The following CDHR2 variants were observed in gnomAD, a reference collection of about 807,000 sequenced individuals.
The protein encoded by CDHR2 is cadherin-related family member 2.
In CDHR2, 104 loss-of-function variants were observed where a neutral mutation model predicts 138.6. The ratio of observed to expected loss-of-function variants is 0.75; its 90% confidence interval spans 0.64 to 0.88. The LOEUF is 0.88. Ranked by LOEUF, CDHR2 falls within the 40% of genes least tolerant of loss-of-function variation. The pLI is 0.00. For synonymous variants in CDHR2, 755 were observed against 742.8 expected (o/e 1.02, Z -0.27); for missense variants, 1,624 against 1,727.6 (o/e 0.94, Z 1.06).
intron 17 of CDHR2, among the ~76,000 whole-genome samples, chr5:176,582,980 C>T (rs1330051743): frequency 6.6e-6 from 1 of 152,246 alleles, no homozygotes; most frequent in East Asian, 1.9e-4. Flanking sequence ...CAGTGCACAG[C>T]CTGCACCACT....
chr5:176,577,476 G>A lies in CDHR2; in HGVS notation c.1272G>A (p.Val424=), dbSNP rs752138105. ...EAFSVSPERA[V]GSASVQVLVR... is the part of the protein sequence containing the mutation. ...TCAGCGTCTCCCCGGAGCGGGCAGTGGGCTCAGCCTCCGTTCAGGTGCTGG... is the reference window on the plus strand; with the variant it reads ...TCAGCGTCTCCCCGGAGCGGGCAGTAGGCTCAGCCTCCGTTCAGGTGCTGG... The change falls in exon 13 of 32, where the codon GTG becomes GTA. Residue 424 remains valine (V), a synonymous_variant. Coordinates refer to ENST00000261944, the MANE Select transcript of CDHR2 (RefSeq NM_017675.6). The A allele has an allele frequency of 8.7e-6, 14 of 1,610,684 alleles. No homozygotes were observed. Among genetic ancestry groups the A allele is most frequent in the East Asian group, 4.5e-5 (2 of 44,770 alleles).
At chr5:176,548,937 T>G (rs747989729), upstream of CDHR2, among the ~76,000 whole-genome samples, 6 of 152,054 alleles carry the variant, frequency 3.9e-5, no homozygotes, top group Non-Finnish European at 8.8e-5. Context: ...CACACAGTGT[T>G]TGATTGTTAC....
Position 176,581,392 on chromosome 5 carries a change from A to G in CDHR2, c.1868A>G (p.Asn623Ser). The G allele has an allele frequency of 6.2e-7, 1 of 1,614,074 alleles. No homozygotes were observed. Among genetic ancestry groups the G allele is most frequent in the Non-Finnish European group, 8.5e-7 (1 of 1,180,034 alleles). Residue 623 changes from asparagine (N) to serine (S), a missense_variant, in exon 17 of 32, where the codon AAC (asparagine) becomes AGC (serine). Around this residue, in one of 3 missense-constraint regions of CDHR2, gnomAD observed 1,061 missense variants for 1,136.6 expected, o/e 0.93. Coordinates refer to ENST00000261944, the MANE Select transcript of CDHR2 (RefSeq NM_017675.6). ...PGTNNSRLLF[N>S]LLPGPYSHNF... ...ACCAACAACAGCCGTCTGCTCTTCA[A>G]CCTGCTGCCTGGCCCCTACAGCCAC...
intron 16 of CDHR2, 112 bp from the exon 17 acceptor site, chr5:176,581,231 C>A: frequency 7.1e-7 from 1 of 1,405,210 alleles, no homozygotes; most frequent in South Asian, 1.3e-5. Flanking sequence ...GGGCTCCAGG[C>A]CTGATGACTG....
upstream of CDHR2, among the ~76,000 whole-genome samples, chr5:176,547,073 G>T (rs1757600741): frequency 6.6e-6 from 1 of 151,974 alleles, no homozygotes; most frequent in Non-Finnish European, 1.5e-5. Flanking sequence ...CTGCCTCCCG[G>T]GTTCAAGTGA....
chr5:176,542,587 G>T (rs1196969792), exon 1 of CDHR2: 1 of 152,146 alleles, frequency 6.6e-6, no homozygotes, highest in Non-Finnish European at 1.5e-5. Context: ...GAAGATCGAG[G>T]AAGACAAGTC....
At chr5:176,580,579 A>G (rs1251388985) in intron 16 of CDHR2, among the ~76,000 whole-genome samples, 1 of 151,466 alleles carries the variant, frequency 6.6e-6, no homozygotes, top group Non-Finnish European at 1.5e-5. Context: ...ACAAAACAAA[A>G]CAAAAGAAGG....
intron 21 of CDHR2, among the ~76,000 whole-genome samples, chr5:176,588,518 T>TGC (rs1758737895): frequency 7.4e-6 from 1 of 134,544 alleles, no homozygotes. Flanking sequence ...AGTGTGTGCA[T>TGC]GTGTGTGAGT....
intron 1 of CDHR2, among the ~76,000 whole-genome samples, chr5:176,556,394 C>T (rs980599252): frequency 6.6e-6 from 1 of 151,914 alleles, no homozygotes; most frequent in Non-Finnish European, 1.5e-5. Context: ...AGGCCGGGCG[C>T]GGTGGCTCAC....
At chr5:176,563,560 G>A (rs1393129261) in intron 1 of CDHR2, among the ~76,000 whole-genome samples, 1 of 151,954 alleles carries the variant, frequency 6.6e-6, no homozygotes, top group African/African-American at 2.4e-5. Context: ...ACCCTGGCCT[G>A]GCATGGCCTC....
At position 176,588,448 on chromosome 5, in the gene CDHR2, T is replaced by G. The variant is rs562959191; in HGVS notation, c.2857-583T>G. Among the ~76,000 whole-genome samples the G allele has an allele frequency of 3.6e-3, 449 of 124,078 alleles. 4 individuals carry two copies. The highest frequency in any genetic ancestry group is 0.027 in the Middle Eastern group (6 of 222). The allele number at this position is 124,078 out of a possible 152,430, so 81.4% of individuals were successfully genotyped here. A position where few individuals can be genotyped will look rare whatever the true frequency, so the allele number is the denominator to read the frequency against. On this transcript the variant is annotated intron_variant, in intron 21 of 31. Transcript: ENST00000261944. Reference sequence around the variant, plus strand: ...GTGTGTGTCAGGATAAGTGTGTGAGTGTGAGAGGGTGTGTGAGTGTATGTG... The same window carrying G: ...GTGTGTGTCAGGATAAGTGTGTGAGGGTGAGAGGGTGTGTGAGTGTATGTG...
chr5:176,567,115 G>T, intron 3 of CDHR2: 1 of 439,338 alleles, frequency 2.3e-6, no homozygotes, highest in South Asian at 1.6e-5. Flanking sequence ...CTCCCTAAAG[G>T]CAAGTGCTAT....
At chr5:176,569,274 T>C (rs1758163243) in intron 5 of CDHR2, among the ~76,000 whole-genome samples, 1 of 147,924 alleles carries the variant, frequency 6.8e-6, no homozygotes, top group South Asian at 2.1e-4. Context: ...TATATTTTAA[T>C]TGTAAATTAA....
rs189960708 is a variant in CDHR2 at position 176,593,479 on chromosome 5, G to A, written c.3792+699G>A. 2.4e-3 allele frequency among the ~76,000 whole-genome samples: 361 copies of A among 152,344 alleles called. 2 individuals carry two copies. Among genetic ancestry groups the A allele is most frequent in the Middle Eastern group, 3.4e-3 (1 of 294 alleles). On this transcript the variant is annotated intron_variant, in intron 31 of 31. Coordinates refer to ENST00000261944, the MANE Select transcript of CDHR2 (RefSeq NM_017675.6). Reference sequence around the variant, plus strand: ...CAGGCACGGTGGACACCGCTGGAGCGGGTCAGCAGGCTGAGTGTGGGGTGG... The same window carrying A: ...CAGGCACGGTGGACACCGCTGGAGCAGGTCAGCAGGCTGAGTGTGGGGTGG...
intron 1 of CDHR2, among the ~76,000 whole-genome samples, chr5:176,549,764 GGAA>G (rs1290988127): frequency 6.6e-6 from 1 of 152,172 alleles, no homozygotes; most frequent in African/African-American, 2.4e-5. Flanking sequence ...TTGAGGACGG[GGAA>G]GCTGACCTGG....
chr5:176,551,393 T>G (rs1757702733), intron 1 of CDHR2, among the ~76,000 whole-genome samples: 1 of 152,160 alleles, frequency 6.6e-6, no homozygotes, highest in South Asian at 2.1e-4. Context: ...GTCCAGGCAT[T>G]TTTTGAGAGC....
chr5:176,570,051 T>A (rs967058629), intron 5 of CDHR2, among the ~76,000 whole-genome samples: 1 of 152,214 alleles, frequency 6.6e-6, no homozygotes, highest in African/African-American at 2.4e-5. Flanking sequence ...ACTGTATGCT[T>A]TGACACTTCT....
chr5:176,571,551 T>C (rs67494927), intron 6 of CDHR2, among the ~76,000 whole-genome samples: 36,963 of 151,826 alleles, frequency 0.24, 4,796 homozygotes, highest in East Asian at 0.47. Flanking sequence ...TGATTTTTTT[T>C]GTGTAGACGG....
chr5:176,569,516 T>C (rs1758173825), intron 5 of CDHR2, among the ~76,000 whole-genome samples: 1 of 152,112 alleles, frequency 6.6e-6, no homozygotes, highest in South Asian at 2.1e-4. Flanking sequence ...TCTCCTGACC[T>C]TGTGATCCGC....
Sources: allele counts gnomAD v4.1 joint callset (sites outside exome capture counted in the v4.1 genomes callset), GRCh38; gene constraint gnomAD v4.1.1; regional missense constraint gnomAD v4.1.1; transcripts MANE v1.5; gene names NCBI Gene and HGNC (gene_info 2026-07-23, HGNC 2026-07-21).